NPIPB2: variants seen among roughly 807,000 people sequenced by gnomAD.
NPIPB2 encodes nuclear pore complex interacting protein family member B2.
NPIPB2 carries 27 observed loss-of-function variants against 30.8 expected under a neutral mutation model. That is an observed-to-expected ratio of 0.88 (90% CI 0.65 to 1.21). The LOEUF is 1.21. Among genes scored for constraint, NPIPB2 ranks in the 50% most tolerant of loss-of-function variants. The pLI, the probability that NPIPB2 is intolerant of heterozygous loss-of-function variation, is 0.00. For synonymous variants in NPIPB2, 147 were observed against 162.0 expected (o/e 0.91, Z 0.70); for missense variants, 440 against 446.2 (o/e 0.99, Z 0.13).
At chr16:11,954,109 A>G (rs1346945214) in intron 1 of NPIPB2, among the ~76,000 whole-genome samples, 1 of 151,672 alleles carries the variant, frequency 6.6e-6, no homozygotes. Context: ...TTTTTTTTGC[A>G]GTTAAAAACC....
At chr16:11,973,094 A>T (rs1048920906) in intron 1 of NPIPB2, among the ~76,000 whole-genome samples, 22 of 144,122 alleles carry the variant, frequency 1.5e-4, no homozygotes, top group African/African-American at 5.3e-4. Context: ...TGAGAGGCAG[A>T]GGCAGAAGTT....
chr16:11,941,259 G>C (rs2054935149), intron 1 of NPIPB2: 1 of 1,515,498 alleles, frequency 6.6e-7, no homozygotes. Flanking sequence ...GGTCCTTTCA[G>C]GGCGCCCTGA....
intron 1 of NPIPB2, 69 bp downstream of exon 1, chr16:11,941,914 C>T (rs2054947427): frequency 1.0e-6 from 1 of 1,003,402 alleles, no homozygotes; most frequent in Admixed American, 2.0e-5. Flanking sequence ...CCCAGGGTTC[C>T]TCAAGGTCAC....
At chr16:11,966,384 G>A (rs759232146) in intron 1 of NPIPB2, 3 of 1,579,952 alleles carry the variant, frequency 1.9e-6, no homozygotes, top group Non-Finnish European at 2.6e-6. Flanking sequence ...TCCAGGGGAT[G>A]GCTATTGTGA....
intron 1 of NPIPB2, among the ~76,000 whole-genome samples, chr16:11,954,178 T>C (rs1264680100): frequency 6.6e-6 from 1 of 152,094 alleles, no homozygotes; most frequent in Non-Finnish European, 1.5e-5. Context: ...AAACGTGGAA[T>C]TGCTTGGTTA....
At chr16:11,970,425 CTGGTCTCGGACTCCTGACCT>C (rs1294237741) in intron 1 of NPIPB2, among the ~76,000 whole-genome samples, 1 of 152,002 alleles carries the variant, frequency 6.6e-6, no homozygotes, top group East Asian at 1.9e-4. Flanking sequence ...ATTGGTCAGG[CTGGTCTCGGACTCCTGACCT>C]CAGGTGATCC....
chr16:11,943,158 A>G (rs1450862282), upstream of NPIPB2, among the ~76,000 whole-genome samples: 1 of 151,486 alleles, frequency 6.6e-6, no homozygotes, highest in Admixed American at 6.6e-5. Flanking sequence ...TGTCTCTAAT[A>G]AAATACAAAA....
chr16:11,940,976 C>T (rs1460149099), intron 1 of NPIPB2, among the ~76,000 whole-genome samples: 2 of 147,192 alleles, frequency 1.4e-5, no homozygotes, highest in Non-Finnish European at 3.0e-5. Flanking sequence ...CCCGACTAAT[C>T]TTTTTTGGAA....
upstream of NPIPB2, among the ~76,000 whole-genome samples, chr16:11,945,398 G>A (rs753740773): frequency 2.0e-5 from 3 of 151,770 alleles, no homozygotes; most frequent in Non-Finnish European, 2.9e-5. Flanking sequence ...AATAAGCAGG[G>A]TGCAGTAACT....
rs771525542 is a variant in NPIPB2, at chr16:11,937,665, T to C, written c.67A>G (p.Ile23Val). 37 of 1,598,532 alleles carry C rather than the reference T, an allele frequency of 2.3e-5. No homozygotes were observed. In the East Asian group the frequency reaches 8.0e-4, roughly 35 times the overall value. ...TGATGATGGTCAGCCAGAGTATTGA[T>C]AACCTGGAATAATAATAGTTGAAAT... Residue 23 changes from isoleucine (I) to valine (V), a missense_variant, in exon 2 of 8, where the codon ATC becomes GTC. Ile to Val is a conservative substitution (Grantham distance 29). Coordinates refer to ENST00000399147, the Ensembl canonical transcript of NPIPB2.
intron 1 of NPIPB2, chr16:11,941,333 C>A (rs113280025): frequency 4.6e-5 from 20 of 436,526 alleles, no homozygotes; most frequent in Non-Finnish European, 7.3e-5. Flanking sequence ...GGGACCGGGC[C>A]GGATCTGAGT....
intron 1 of NPIPB2, among the ~76,000 whole-genome samples, chr16:11,960,872 CTTT>C (rs561398049): frequency 7.0e-6 from 1 of 143,816 alleles, no homozygotes. Context: ...TCTTTCTTTT[CTTT>C]TTTTTTTTTG....
chr16:11,944,969 G>A (rs931487015), upstream of NPIPB2, among the ~76,000 whole-genome samples: 6 of 148,630 alleles, frequency 4.0e-5, no homozygotes, highest in South Asian at 4.3e-4. Context: ...ACCTGAGGTC[G>A]GGAGTTCAAG....
At chr16:11,948,947 G>A (rs914717296) in intron 1 of NPIPB2, among the ~76,000 whole-genome samples, 1 of 151,954 alleles carries the variant, frequency 6.6e-6, no homozygotes, top group East Asian at 1.9e-4. Context: ...AGACCAGCCT[G>A]GGCAACATAG....
intron 1 of NPIPB2, among the ~76,000 whole-genome samples, chr16:11,972,467 T>A (rs1002196653): frequency 6.6e-6 from 1 of 151,276 alleles, no homozygotes; most frequent in African/African-American, 2.4e-5. Context: ...CCCAGCTACT[T>A]TGGAGTGTGA....
intron 4 of NPIPB2, 34 bp downstream of exon 4, chr16:11,933,483 C>T (rs767848219): frequency 6.3e-7 from 1 of 1,596,440 alleles, no homozygotes; most frequent in Admixed American, 1.7e-5. Context: ...GCACATGGTT[C>T]ATACAACAAT....
chr16:11,966,211 G>A, intron 1 of NPIPB2: 1 of 1,613,366 alleles, frequency 6.2e-7, no homozygotes. Context: ...CCAATTCAGT[G>A]AAAGGAACGA....
At chr16:11,941,992 G>A (rs1477088181) in exon 1 of NPIPB2, 52 of 1,194,336 alleles carry the variant, frequency 4.4e-5, no homozygotes, top group Non-Finnish European at 5.6e-5. Context: ...CCCAAGCAGA[G>A]TGCCAGGTTT....
chr16:11,970,659 C>A (rs2055230254), intron 1 of NPIPB2, among the ~76,000 whole-genome samples: 1 of 152,062 alleles, frequency 6.6e-6, no homozygotes, highest in South Asian at 2.1e-4. Context: ...CCTCAGCCTC[C>A]CGTGTAACTG....
Sources: allele counts gnomAD v4.1 joint callset (sites outside exome capture counted in the v4.1 genomes callset), GRCh38; gene constraint gnomAD v4.1.1; transcripts MANE v1.5; gene names NCBI Gene and HGNC (gene_info 2026-07-23, HGNC 2026-07-21).